HMCN2: variants seen among roughly 807,000 people sequenced by gnomAD.
The protein encoded by HMCN2 is hemicentin 2.
In HMCN2, 325 loss-of-function variants were observed where a neutral mutation model predicts 377.5. The observed-to-expected ratio is 0.86, with a 90% CI of 0.79 to 0.94. The LOEUF is 0.94. Ranked by LOEUF, HMCN2 falls within the 40% of genes least tolerant of loss-of-function variation. HMCN2 has a pLI of 0.00. For missense variants in HMCN2, 4,543 were observed against 4,725.3 expected (o/e 0.96, Z 1.13); for synonymous variants, 2,007 against 2,046.8 (o/e 0.98, Z 0.53).
intron 46 of HMCN2, among the ~76,000 whole-genome samples, chr9:130,371,529 TG>T (rs1841022206): frequency 1.3e-5 from 2 of 152,108 alleles, no homozygotes; most frequent in Admixed American, 1.3e-4. Flanking sequence ...CCTCATAAAA[TG>T]GGTTTGTGAG....
intron 15 of HMCN2, among the ~76,000 whole-genome samples, chr9:130,312,905 C>T (rs917703095): frequency 5.3e-5 from 8 of 152,018 alleles, no homozygotes; most frequent in Non-Finnish European, 1.0e-4. Flanking sequence ...GGTGATCTAC[C>T]CGCCTCGGCC....
rs1170635893 is a variant in HMCN2 at position 130,297,427 on chromosome 9, TCTGGTGCGGG to T, written c.1012+637_1012+646del. On this transcript the variant is annotated intron_variant, in intron 7 of 97. Coordinates refer to ENST00000683500, the MANE Select transcript of HMCN2 (RefSeq NM_001291815.2). ...AGAAGCCTGGGCACCGAGGCAGGTT[TCTGGTGCGGG>T]CTGCCTGAGCTCCACGCCAGAAAAT... Among the ~76,000 whole-genome samples the T allele has an allele frequency of 9.8e-5, 15 of 152,328 alleles. No homozygotes were observed. The East Asian group carries it at 2.9e-3, about 29-fold the overall frequency.
At chr9:130,309,797 C>G (rs1837123287) in intron 14 of HMCN2, 115 bp from the exon 15 acceptor site, 2 of 338,060 alleles carry the variant, frequency 5.9e-6, no homozygotes, top group East Asian at 9.0e-5. Context: ...CACCCACCAT[C>G]TCCCAGGCCC....
chr9:130,288,040 G>A (rs1023514462), intron 4 of HMCN2, among the ~76,000 whole-genome samples: 5 of 152,226 alleles, frequency 3.3e-5, no homozygotes, highest in Admixed American at 6.5e-5. Context: ...CTCGCACCGA[G>A]TCACCCAAGC....
Position 130,433,696 on chromosome 9 carries a change from G to T in HMCN2, c.*3G>T. ...CCGTGTCCCCCTACCCCTACTAAAC[G>T]GGAGAGGGCATTGGCGGCCGCCCTG... On this transcript the variant is annotated 3_prime_UTR_variant, in exon 98 of 98. Coordinates refer to ENST00000683500, the MANE Select transcript of HMCN2 (RefSeq NM_001291815.2). 1 of 1,466,774 alleles carries T rather than the reference G, an allele frequency of 6.8e-7. No individual in the cohort carries two copies. Among genetic ancestry groups the T allele is most frequent in the Non-Finnish European group, 9.0e-7 (1 of 1,113,398 alleles). 90.9% of individuals were successfully genotyped at this position (1,466,774 alleles called of 1,614,324 possible).
At chr9:130,330,765 TCAC>T (rs1204420319) in intron 22 of HMCN2, among the ~76,000 whole-genome samples, 6 of 152,142 alleles carry the variant, frequency 3.9e-5, no homozygotes, top group African/African-American at 1.2e-4. Flanking sequence ...TCCGTCCTCA[TCAC>T]GGATTCCTTT....
At position 130,425,071 on chromosome 9, in the gene HMCN2, G is replaced by A. The variant is rs776628785; in HGVS notation, c.13582G>A (p.Asp4528Asn). 8.4e-5 allele frequency: 130 copies of A among 1,549,944 alleles called. No homozygotes were observed. The highest frequency in any genetic ancestry group is 1.1e-4 in the Non-Finnish European group (122 of 1,146,852). The change falls in exon 89 of 98, where the codon GAC (aspartate) becomes AAC (asparagine). Residue 4528 changes from aspartate to asparagine, a missense_variant. By Grantham distance (23) the Asp-to-Asn change is conservative. This residue lies in a region of HMCN2 where 1,155 missense variants were observed against 1,157.7 expected (regional missense o/e 1.00). Coordinates refer to ENST00000683500, the MANE Select transcript of HMCN2 (RefSeq NM_001291815.2). ...GGATCCCGATGGCCTCCTGCTCCTCGACGTGGTGGTCAATGGCGTTGTCCC... is the reference window on the plus strand; with the variant it reads ...GGATCCCGATGGCCTCCTGCTCCTCAACGTGGTGGTCAATGGCGTTGTCCC... ...GLDPDGLLLLDVVVNGVVPES... is the reference protein window; with the variant it reads ...GLDPDGLLLLNVVVNGVVPES...
chr9:130,395,453 G>A, intron 71 of HMCN2, 106 bp downstream of exon 71: 1 of 1,008,370 alleles, frequency 9.9e-7, no homozygotes, highest in South Asian at 1.7e-5. Flanking sequence ...GGCCCGCTCT[G>A]AGCTGCACTT....
chr9:130,406,847 C>T (rs952769404), intron 82 of HMCN2: 1 of 154,026 alleles, frequency 6.5e-6, no homozygotes, highest in Non-Finnish European at 1.4e-5. Context: ...ATGGAGGGGC[C>T]GTGCTCGGCA....
At chr9:130,365,370 C>A (rs970979625) in intron 41 of HMCN2, among the ~76,000 whole-genome samples, 1 of 152,210 alleles carries the variant, frequency 6.6e-6, no homozygotes, top group Non-Finnish European at 1.5e-5. Flanking sequence ...ACATGCCTCC[C>A]CCTTAGCAGA....
chr9:130,358,223 G>A (rs1156596807), intron 35 of HMCN2, 167 bp from the exon 36 acceptor site: 9 of 563,266 alleles, frequency 1.6e-5, no homozygotes, highest in East Asian at 1.5e-4. Context: ...GAGATCGGAC[G>A]AATCCCTGGA....
At chr9:130,431,981 A>T (rs1487380152) in intron 96 of HMCN2, among the ~76,000 whole-genome samples, 3 of 152,154 alleles carry the variant, frequency 2.0e-5, no homozygotes, top group Non-Finnish European at 4.4e-5. Context: ...CCTCCACTCT[A>T]AAGAACAGGA....
At chr9:130,273,028 A>C (rs1564735417) in intron 1 of HMCN2, among the ~76,000 whole-genome samples, 1 of 151,758 alleles carries the variant, frequency 6.6e-6, no homozygotes, top group Non-Finnish European at 1.5e-5. Flanking sequence ...TTTTCAAAAA[A>C]CTCTATTGTT....
At position 130,348,678 on chromosome 9, in the gene HMCN2, G is replaced by A; in HGVS notation, c.4155+3G>A. On this transcript the variant is annotated splice_donor_region_variant and intron_variant, in intron 27 of 97. Transcript: ENST00000683500. ...TGTGGCTGAAGGACGCGCAGCTGGT[G>A]GGTGTCCCCCTAGGGTGGGCGGGGT... 7.7e-7 allele frequency: 1 copy of A among 1,304,238 alleles called. No homozygotes were observed. The highest frequency in any genetic ancestry group is 2.1e-4 in the Middle Eastern group (1 of 4,696). 80.8% of individuals were successfully genotyped at this position (1,304,238 alleles called of 1,614,324 possible).
intron 1 of HMCN2, among the ~76,000 whole-genome samples, chr9:130,267,292 G>A (rs1554919476): frequency 6.6e-6 from 1 of 151,198 alleles, no homozygotes; most frequent in Non-Finnish European, 1.5e-5. Context: ...GTAAAATGGG[G>A]AGAAACATAC....
chr9:130,422,681 G>T lies in HMCN2; in HGVS notation c.13336G>T (p.Val4446Phe), dbSNP rs1401760912. 7.7e-7 allele frequency: 1 copy of T among 1,304,508 alleles called. No homozygotes were observed. The highest frequency in any genetic ancestry group is 9.8e-7 in the Non-Finnish European group (1 of 1,018,412). 80.8% of individuals were successfully genotyped at this position (1,304,508 alleles called of 1,614,324 possible). ...CGTGATGCAGGAGGCACACTCCGGG[G>T]TCAGCAGCATCCACAGCAGCATCCG... ...TSVMQEAHSG[V>F]SSIHSSIRHV... Residue 4446 changes from valine to phenylalanine, a missense_variant, in exon 87 of 98, where the codon GTC becomes TTC. Transcript: ENST00000683500. This position sits in a 1 kb window ranked among gnomAD's most constrained non-coding sequence, Gnocchi z 4.2.
chr9:130,277,989 G>GATCATCACCACCACCACCATC (rs1376905682), intron 1 of HMCN2, among the ~76,000 whole-genome samples: 13 of 13,262 alleles, frequency 9.8e-4, no homozygotes, highest in African/African-American at 3.8e-3. Flanking sequence ...CCACCACCAC[G>GATCATCACCACCACCACCATC]ATCATCACCA....
chr9:130,314,424 C>T (rs933826008), intron 15 of HMCN2, among the ~76,000 whole-genome samples: 70 of 152,324 alleles, frequency 4.6e-4, no homozygotes, highest in African/African-American at 1.6e-3. Flanking sequence ...ATCCAGCCTG[C>T]ATCATTCATG....
chr9:130,332,898 C>T (rs909605476), intron 22 of HMCN2, among the ~76,000 whole-genome samples: 161 of 152,274 alleles, frequency 1.1e-3, no homozygotes, highest in African/African-American at 3.7e-3. Context: ...CGGGGAGTGC[C>T]GTTCATTCCA....
Sources: allele counts gnomAD v4.1 joint callset (sites outside exome capture counted in the v4.1 genomes callset), GRCh38; gene constraint gnomAD v4.1.1; regional missense constraint gnomAD v4.1.1; non-coding constraint Gnocchi (gnomAD v3.1); transcripts MANE v1.5; gene names NCBI Gene and HGNC (gene_info 2026-07-23, HGNC 2026-07-21).